GABRA3: variants seen among roughly 807,000 people sequenced by gnomAD.
The protein encoded by GABRA3 is gamma-aminobutyric acid type A receptor subunit alpha3, also known as gamma-aminobutyric acid receptor subunit alpha-3.
GABRA3 carries 10 observed loss-of-function variants against 30.1 expected under a neutral mutation model. That is an observed-to-expected ratio of 0.33 (90% CI 0.20 to 0.56). The LOEUF is 0.56. Among genes scored for constraint, GABRA3 ranks in the 20% least tolerant of loss-of-function variants. The pLI, the probability that GABRA3 is intolerant of heterozygous loss-of-function variation, is 0.89. For missense variants in GABRA3, 233 were observed against 392.0 expected, an observed-to-expected ratio of 0.59 and a Z score of 3.42; for synonymous variants, 151 against 146.8, an observed-to-expected ratio of 1.03 and a Z score of -0.21.
chrX:152,314,092 A>G (rs1939837102), intron 3 of GABRA3, among the ~76,000 whole-genome samples: 1 of 111,859 alleles, frequency 8.9e-6, no homozygotes, highest in South Asian at 3.8e-4. Flanking sequence ...CATTTATCTG[A>G]CCACATCCAA....
chrX:152,238,863 G>A (rs1183945390), intron 5 of GABRA3, among the ~76,000 whole-genome samples: 2 of 110,233 alleles, frequency 1.8e-5, no homozygotes, highest in African/African-American at 6.6e-5. Flanking sequence ...TTTTTATTGT[G>A]TCTATTTGAT....
At chrX:152,227,380 T>G (rs9698665) in intron 5 of GABRA3, among the ~76,000 whole-genome samples, 1,177 of 47,166 alleles carry the variant, frequency 0.025, 39 homozygotes, top group African/African-American at 0.095. Context: ...TGGGGACTGT[T>G]GTGGGGTGGG....
At chrX:152,328,086 C>G (rs1214865464) in intron 3 of GABRA3, among the ~76,000 whole-genome samples, 1 of 111,761 alleles carries the variant, frequency 8.9e-6, no homozygotes, top group Non-Finnish European at 1.9e-5. Flanking sequence ...CACAAATAAA[C>G]TAGAAAATCT....
intron 5 of GABRA3, among the ~76,000 whole-genome samples, chrX:152,242,795 A>G (rs1161691111): frequency 1.8e-5 from 2 of 112,293 alleles, no homozygotes. Context: ...ATTATAAAAA[A>G]CAGTATGGAG....
At chrX:152,275,704 A>C (rs1316923922) in intron 4 of GABRA3, among the ~76,000 whole-genome samples, 1 of 108,716 alleles carries the variant, frequency 9.2e-6, no homozygotes, top group Non-Finnish European at 1.9e-5. Flanking sequence ...AGTTGCAGTG[A>C]GTCGAGATCG....
intron 1 of GABRA3, among the ~76,000 whole-genome samples, chrX:152,379,503 TA>T (rs992424543): frequency 9.1e-6 from 1 of 110,401 alleles, no homozygotes; most frequent in Non-Finnish European, 1.9e-5. Flanking sequence ...TAAAAAGATT[TA>T]AAAAAAAGTA....
chrX:152,328,459 T>C, intron 3 of GABRA3, among the ~76,000 whole-genome samples: 1 of 111,900 alleles, frequency 8.9e-6, no homozygotes, highest in African/African-American at 3.2e-5. Context: ...AATAAAATAC[T>C]GGCAAACCGA....
At chrX:152,366,344 CAT>C (rs1317665424) in intron 1 of GABRA3, among the ~76,000 whole-genome samples, 2 of 111,869 alleles carry the variant, frequency 1.8e-5, no homozygotes, top group Admixed American at 1.9e-4. Context: ...GAACATAAGA[CAT>C]AGCCATGATG....
intron 2 of GABRA3, among the ~76,000 whole-genome samples, chrX:152,361,113 G>C (rs1423001766): frequency 9.6e-6 from 1 of 103,741 alleles, no homozygotes; most frequent in Non-Finnish European, 2.0e-5. Flanking sequence ...AAAAAAGAAA[G>C]AAAGAAAGAA....
chrX:152,346,686 A>G (rs1439907488), intron 2 of GABRA3, among the ~76,000 whole-genome samples: 1 of 112,430 alleles, frequency 8.9e-6, no homozygotes. Context: ...AGAATATTTG[A>G]ATAGACATTT....
intron 1 of GABRA3, among the ~76,000 whole-genome samples, chrX:152,429,030 T>G (rs766164703): frequency 6.0e-4 from 67 of 111,350 alleles, no homozygotes; most frequent in Non-Finnish European, 1.1e-3. Flanking sequence ...CAAGCCCTTG[T>G]GTCACTGGAA....
chrX:152,428,257 C>G (rs148703815), intron 1 of GABRA3, among the ~76,000 whole-genome samples: 103 of 112,096 alleles, frequency 9.2e-4, no homozygotes, highest in African/African-American at 3.3e-3. Flanking sequence ...ACTCAGCACC[C>G]AGATTCCAAA....
At chrX:152,242,710 G>C (rs746075243) in intron 5 of GABRA3, among the ~76,000 whole-genome samples, 32 of 111,874 alleles carry the variant, frequency 2.9e-4, no homozygotes, top group African/African-American at 1.0e-3. Flanking sequence ...ACACCTGTTA[G>C]GATGGCTACT....
intron 2 of GABRA3, among the ~76,000 whole-genome samples, chrX:152,357,781 C>T (rs1166421218): frequency 9.0e-6 from 1 of 110,754 alleles, no homozygotes; most frequent in South Asian, 3.8e-4. Flanking sequence ...TTTAATCCAC[C>T]TTCCCAGCAC....
At chrX:152,432,257 A>G (rs185052971) in intron 1 of GABRA3, among the ~76,000 whole-genome samples, 50 of 111,881 alleles carry the variant, frequency 4.5e-4, no homozygotes, top group Admixed American at 3.8e-3. Flanking sequence ...TATGCATGTT[A>G]TTTAGAAATA....
intron 4 of GABRA3, among the ~76,000 whole-genome samples, chrX:152,274,517 A>T (rs1005519799): frequency 3.6e-5 from 4 of 111,708 alleles, no homozygotes; most frequent in African/African-American, 1.3e-4. Context: ...AATAACAAAA[A>T]GTTTTATAGT....
At chrX:152,399,903 G>A (rs767680273) in intron 1 of GABRA3, among the ~76,000 whole-genome samples, 2 of 111,250 alleles carry the variant, frequency 1.8e-5, no homozygotes, top group South Asian at 3.8e-4. Context: ...GGGAACCCTA[G>A]TGACTTACCT....
At chrX:152,220,053 C>G (rs1366498802) in intron 6 of GABRA3, among the ~76,000 whole-genome samples, 1 of 111,377 alleles carries the variant, frequency 9.0e-6, no homozygotes, top group Non-Finnish European at 1.9e-5. Flanking sequence ...CTGAATACTT[C>G]TAAAGTTACT....
intron 1 of GABRA3, among the ~76,000 whole-genome samples, chrX:152,410,573 T>C (rs1003405296): frequency 6.3e-5 from 7 of 111,266 alleles, no homozygotes; most frequent in Non-Finnish European, 9.4e-5. Context: ...TATCAACATA[T>C]AGAACTATTA....
Sources: allele counts gnomAD v4.1 joint callset (sites outside exome capture counted in the v4.1 genomes callset), GRCh38; gene constraint gnomAD v4.1.1; transcripts MANE v1.5; gene names NCBI Gene and HGNC (gene_info 2026-07-23, HGNC 2026-07-21).